DPP6: variants seen among roughly 807,000 people sequenced by gnomAD.
DPP6 encodes A-type potassium channel modulatory protein DPP6.
DPP6 carries 69 observed loss-of-function variants against 122.6 expected under a neutral mutation model. The ratio of observed to expected loss-of-function variants is 0.56; its 90% CI spans 0.46 to 0.69. The LOEUF (loss-of-function observed/expected upper bound fraction) is 0.69. DPP6 is among the 30% of genes least tolerant of loss of function. The pLI, the probability that DPP6 is intolerant of heterozygous loss-of-function variation, is 0.00. For missense variants in DPP6, 928 were observed against 1,116.9 expected (o/e 0.83, Z 2.41); for synonymous variants, 418 against 433.1 (o/e 0.97, Z 0.43).
intron 5 of DPP6, among the ~76,000 whole-genome samples, chr7:154,615,296 C>T (rs572518059): frequency 2.6e-5 from 4 of 152,242 alleles, no homozygotes; most frequent in East Asian, 3.9e-4. Context: ...AAGCCAATAA[C>T]GTGCAATTCC....
the DPP6 span, among the ~76,000 whole-genome samples, chr7:153,844,156 G>T: frequency 6.6e-6 from 1 of 152,084 alleles, no homozygotes; most frequent in Admixed American, 6.5e-5. Flanking sequence ...GCTCATTCTG[G>T]CAGTCCAACC....
At chr7:154,204,614 A>G (rs918715773) in intron 1 of DPP6, among the ~76,000 whole-genome samples, 5 of 152,138 alleles carry the variant, frequency 3.3e-5, no homozygotes, top group Admixed American at 1.3e-4. Context: ...CCCCATTTCC[A>G]TGGGTAGGTG....
chr7:154,547,236 G>A (rs1829268815), intron 4 of DPP6, among the ~76,000 whole-genome samples: 1 of 152,230 alleles, frequency 6.6e-6, no homozygotes, highest in Non-Finnish European at 1.5e-5. Flanking sequence ...CTAATCTGAG[G>A]CTGGATTTCA....
At chr7:154,588,927 C>T (rs939546302) in intron 5 of DPP6, among the ~76,000 whole-genome samples, 2 of 152,152 alleles carry the variant, frequency 1.3e-5, no homozygotes, top group East Asian at 3.9e-4. Flanking sequence ...AAACTGTGCC[C>T]ATGTGAATTA....
At chr7:154,362,331 A>T (rs1467840297) in intron 1 of DPP6, among the ~76,000 whole-genome samples, 1 of 152,212 alleles carries the variant, frequency 6.6e-6, no homozygotes, top group Non-Finnish European at 1.5e-5. Context: ...TCCCAGGTGA[A>T]CACAAAAGTC....
intron 5 of DPP6, among the ~76,000 whole-genome samples, chr7:154,623,717 G>A (rs1834886300): frequency 6.6e-6 from 1 of 152,024 alleles, no homozygotes; most frequent in Non-Finnish European, 1.5e-5. Flanking sequence ...AACAACAACA[G>A]AAAACAATTT....
At chr7:153,902,153 A>C (rs1799662661) in intron 1 of DPP6, among the ~76,000 whole-genome samples, 1 of 152,270 alleles carries the variant, frequency 6.6e-6, no homozygotes, top group Non-Finnish European at 1.5e-5. Flanking sequence ...CTAAAAGATC[A>C]CAAAGACAGA....
chr7:154,051,068 C>T (rs1477224424), upstream of DPP6, among the ~76,000 whole-genome samples: 1 of 125,732 alleles, frequency 8.0e-6, no homozygotes, highest in Non-Finnish European at 1.8e-5. Flanking sequence ...TGGGGCAATG[C>T]CAGGGCTGGG....
the DPP6 span, among the ~76,000 whole-genome samples, chr7:153,795,016 A>G: frequency 2.6e-5 from 4 of 152,188 alleles, no homozygotes; most frequent in African/African-American, 9.7e-5. Flanking sequence ...CTTTATCAGC[A>G]GCGTGAAAAT....
At chr7:153,828,441 A>T in the DPP6 span, among the ~76,000 whole-genome samples, 1,959 of 152,288 alleles carry the variant, frequency 0.013, 41 homozygotes, top group African/African-American at 0.045. Context: ...ACCCCTTTGT[A>T]CTATGACTGC....
chr7:154,892,676 C>A lies in DPP6; in HGVS notation c.*196C>A. ...CCCCGGGGTCATCACTCACGGCCTC[C>A]ATGGCACCAGGGACAACGCTGTCCC... On this transcript the variant is annotated 3_prime_UTR_variant, in exon 26 of 26. Coordinates refer to ENST00000377770, the MANE Select transcript of DPP6 (RefSeq NM_130797.4). 8.5e-7 allele frequency: 1 copy of A among 1,175,640 alleles called. No individual in the cohort carries two copies. The highest frequency in any genetic ancestry group is 1.2e-6 in the Non-Finnish European group (1 of 807,476). The allele number at this position is 1,175,640 out of a possible 1,614,324, so 72.8% of individuals were successfully genotyped here.
the DPP6 span, among the ~76,000 whole-genome samples, chr7:153,820,666 T>A: frequency 6.6e-5 from 10 of 152,048 alleles, no homozygotes; most frequent in African/African-American, 2.4e-4. Context: ...CCAAGAAATG[T>A]GGAATAGCTG....
At chr7:154,401,117 A>C (rs368439191) in intron 1 of DPP6, among the ~76,000 whole-genome samples, 5 of 152,172 alleles carry the variant, frequency 3.3e-5, no homozygotes, top group African/African-American at 1.2e-4. Context: ...GAATCACTCG[A>C]ACCTGGGAGG....
intron 1 of DPP6, among the ~76,000 whole-genome samples, chr7:154,371,524 G>C (rs972254201): frequency 6.6e-6 from 1 of 152,082 alleles, no homozygotes; most frequent in African/African-American, 2.4e-5. Context: ...TCAAGCTTCT[G>C]AAAGGAGAGA....
At chr7:154,343,933 A>T (rs1489899745) in intron 1 of DPP6, among the ~76,000 whole-genome samples, 1 of 152,132 alleles carries the variant, frequency 6.6e-6, no homozygotes, top group Non-Finnish European at 1.5e-5. Context: ...CCAGGCTGGT[A>T]TCGAAATCCT....
At chr7:154,399,878 A>G (rs1044555463) in intron 1 of DPP6, among the ~76,000 whole-genome samples, 1 of 152,178 alleles carries the variant, frequency 6.6e-6, no homozygotes, top group Non-Finnish European at 1.5e-5. Context: ...ATTTTAACTT[A>G]GTCTTGAATA....
At chr7:154,060,658 G>A (rs550252112) in intron 1 of DPP6, among the ~76,000 whole-genome samples, 12 of 144,932 alleles carry the variant, frequency 8.3e-5, no homozygotes, top group Non-Finnish European at 1.2e-4. Context: ...CCCCCCACGA[G>A]AGTGGCGACT....
At chr7:154,224,264 G>T (rs1023698878) in intron 1 of DPP6, among the ~76,000 whole-genome samples, 3 of 148,926 alleles carry the variant, frequency 2.0e-5, no homozygotes, top group Admixed American at 2.0e-4. Context: ...GGACATTGCA[G>T]TGAGCTGAGA....
chr7:154,549,338 A>G (rs1250943714), intron 4 of DPP6, among the ~76,000 whole-genome samples: 1 of 152,216 alleles, frequency 6.6e-6, no homozygotes. Flanking sequence ...AAAGGTTCCA[A>G]TCACTGACAA....
Sources: allele counts gnomAD v4.1 joint callset (sites outside exome capture counted in the v4.1 genomes callset), GRCh38; gene constraint gnomAD v4.1.1; transcripts MANE v1.5; gene names NCBI Gene and HGNC (gene_info 2026-07-23, HGNC 2026-07-21).